PRMT6: variants seen among roughly 807,000 people sequenced by gnomAD.
PRMT6 encodes protein arginine methyltransferase 6, also known as protein arginine N-methyltransferase 6.
In PRMT6, 23 loss-of-function variants were observed where a neutral mutation model predicts 30.5. The observed-to-expected ratio is 0.75, with a 90% CI of 0.54 to 1.07. The LOEUF (loss-of-function observed/expected upper bound fraction) is 1.07, where lower values mean the gene tolerates loss of function less well. PRMT6 is among the 50% of genes least tolerant of loss of function. The pLI is 0.00. For missense variants in PRMT6, 528 were observed against 514.3 expected, an observed-to-expected ratio of 1.03 and a Z score of -0.26; for synonymous variants, 265 against 228.0, an observed-to-expected ratio of 1.16 and a Z score of -1.46.
Position 107,058,820 on chromosome 1 carries a change from A to G in PRMT6, c.*977A>G, listed in dbSNP as rs1467702612. 1 of 167,104 alleles carries G rather than the reference A, an allele frequency of 6.0e-6. No individual in the cohort carries two copies. Among genetic ancestry groups the G allele is most frequent in the Admixed American group, 6.5e-5 (1 of 15,286 alleles). 10.4% of individuals were successfully genotyped at this position (167,104 alleles called of 1,614,324 possible). On this transcript the variant is annotated 3_prime_UTR_variant, in exon 1 of 1. Transcript: ENST00000370078. The stretch of plus-strand genomic sequence containing the variant: ...TTAAACTCTCTCATTTGGAGGGATC[A>G]TGTGAGTTGGCCTACTTACAAGTAG...
At position 107,057,037 on chromosome 1, in the gene PRMT6, G is replaced by C; in HGVS notation, c.322G>C (p.Val108Leu). ...IFCAQAGARRVYAVEASAIWQ... is the reference protein window; with the variant it reads ...IFCAQAGARRLYAVEASAIWQ... ...CTGTGCCCAGGCCGGGGCCCGGCGC[G>C]TGTACGCGGTAGAGGCCAGCGCCAT... The change falls in exon 1 of 1, where the codon GTG becomes CTG. Residue 108 changes from valine to leucine, a missense_variant. Val to Leu is a conservative substitution (Grantham distance 32, BLOSUM62 1). Transcript: ENST00000370078. The C allele has an allele frequency of 6.2e-7, 1 of 1,613,004 alleles. No homozygotes were observed. Among genetic ancestry groups the C allele is most frequent in the Non-Finnish European group, 8.5e-7 (1 of 1,179,768 alleles).
rs766077434 is a variant in PRMT6, at chr1:107,057,567, C to T, written c.852C>T (p.Pro284=). ...RFRCSCYGSA[P]MHGFAIWFQV... ...GCTGCAGCTGCTATGGCTCGGCGCC[C>T]ATGCATGGCTTTGCCATCTGGTTCC... Residue 284 remains proline, a synonymous_variant, in exon 1 of 1, where the codon CCC becomes CCT. Transcript: ENST00000370078. The T allele has an allele frequency of 1.9e-6, 3 of 1,613,744 alleles. No individual in the cohort carries two copies. The highest frequency in any genetic ancestry group is 2.5e-6 in the Non-Finnish European group (3 of 1,179,964).
chr1:107,057,132 A>T lies in PRMT6; in HGVS notation c.417A>T (p.Pro139=), dbSNP rs568392775. 2.5e-6 allele frequency: 4 copies of T among 1,607,414 alleles called. No homozygotes were observed. The East Asian group carries it at 8.9e-5, about 36-fold the overall frequency. Residue 139 remains proline (P), a synonymous_variant, in exon 1 of 1, where the codon CCA becomes CCT. Transcript: ENST00000370078. ...LEDRVHVLPG[P]VETVELPEQV... Reference sequence around the variant, plus strand: ...ACCGGGTGCACGTCCTGCCGGGACCAGTGGAGACTGTAGAGTTGCCGGAAC... The same window carrying T: ...ACCGGGTGCACGTCCTGCCGGGACCTGTGGAGACTGTAGAGTTGCCGGAAC...
chr1:107,056,707 G>A lies in PRMT6; in HGVS notation c.-9G>A, dbSNP rs772488905. ...CTACGCCCGCCGGGAGCCGGGCAGA[G>A]CGGCCAAGATGTCGCAGCCCAAGAA... On this transcript the variant is annotated 5_prime_UTR_variant, in exon 1 of 1. Transcript: ENST00000370078. The A allele has an allele frequency of 1.5e-5, 23 of 1,499,592 alleles. No homozygotes were observed. The South Asian group carries it at 2.5e-4, about 16-fold the overall frequency. 92.9% of individuals were successfully genotyped at this position (1,499,592 alleles called of 1,614,324 possible). A position where few individuals can be genotyped will look rare whatever the true frequency, so the allele number is the denominator to read the frequency against.
chr1:107,056,871 G>A lies in PRMT6; in HGVS notation c.156G>A (p.Ser52=), dbSNP rs1308798436. 4 of 1,613,672 alleles carry A rather than the reference G, an allele frequency of 2.5e-6. No individual in the cohort carries two copies. Among genetic ancestry groups the A allele is most frequent in the Non-Finnish European group, 3.4e-6 (4 of 1,179,830 alleles). Residue 52 remains serine (S), a synonymous_variant, in exon 1 of 1, where the codon TCG becomes TCA. Coordinates refer to ENST00000370078, the MANE Select transcript of PRMT6 (RefSeq NM_018137.3). ...ERDQLYYECY[S]DVSVHEEMIA... ...ACCAGCTGTACTACGAGTGCTACTC[G>A]GACGTTTCGGTCCACGAGGAGATGA...
Position 107,056,762 on chromosome 1 carries a change from A to G in PRMT6, c.47A>G (p.Glu16Gly), listed in dbSNP as rs777128046. The change falls in exon 1 of 1, where the codon GAA becomes GGA. Residue 16 changes from glutamate to glycine, a missense_variant. Physicochemically the swap from Glu to Gly is moderately conservative, Grantham distance 98. Transcript: ENST00000370078. ...AAGCTTGAGTCGGGGGGCGGCGGCG[A>G]AGGAGGGGAGGGAACTGAAGAGGAA... ...KRKLESGGGG[E>G]GGEGTEEEDG... The G allele has an allele frequency of 1.7e-5, 27 of 1,547,200 alleles. No individual in the cohort carries two copies. The highest frequency in any genetic ancestry group is 2.4e-5 in the Non-Finnish European group (27 of 1,145,652).
chr1:107,057,947 A>G lies in PRMT6; in HGVS notation c.*104A>G, dbSNP rs1206493193. On this transcript the variant is annotated 3_prime_UTR_variant, in exon 1 of 1. Transcript: ENST00000370078. ...GGAGATCCCACGTGCAAGTAGGGGG[A>G]ATATCTCCCCCTTTTCCCTCATAGC... 6.9e-6 allele frequency: 10 copies of G among 1,451,876 alleles called. No individual in the cohort carries two copies. Among genetic ancestry groups the G allele is most frequent in the Non-Finnish European group, 9.5e-6 (10 of 1,057,704 alleles). 89.9% of individuals were successfully genotyped at this position (1,451,876 alleles called of 1,614,324 possible). A position where few individuals can be genotyped will look rare whatever the true frequency, so the allele number is the denominator to read the frequency against.
rs1024114582 is a variant in PRMT6, at chr1:107,056,755, G to A, written c.40G>A (p.Gly14Ser). The A allele has an allele frequency of 3.9e-6, 6 of 1,543,132 alleles. 1 individual carries two copies. In the South Asian group the frequency reaches 4.8e-5, roughly 12 times the overall value. ...PKKRKLESGG[G>S]GEGGEGTEEE... ...GAAAAGAAAGCTTGAGTCGGGGGGC[G>A]GCGGCGAAGGAGGGGAGGGAACTGA... The change falls in exon 1 of 1, where the codon GGC becomes AGC. Residue 14 changes from glycine to serine, a missense_variant. Gly to Ser is a moderately conservative substitution (Grantham distance 56). Transcript: ENST00000370078.
rs763384703 is a variant in PRMT6, at chr1:107,057,480, G to T, written c.765G>T (p.Gln255His). The T allele has an allele frequency of 1.2e-6, 2 of 1,613,178 alleles. No homozygotes were observed. Among genetic ancestry groups the T allele is most frequent in the South Asian group, 2.2e-5 (2 of 90,982 alleles). The stretch of plus-strand genomic sequence containing the variant: ...TGGCCCGGCCGCAGCGCTTTGCTCA[G>T]CTAGAGCTCTCCCGCGCCGGCTTGG... Reference protein sequence around the residue: ...DVLARPQRFAQLELSRAGLEQ... With the variant: ...DVLARPQRFAHLELSRAGLEQ... The change falls in exon 1 of 1, where the codon CAG becomes CAT. Residue 255 changes from glutamine (Q) to histidine (H), a missense_variant. Transcript: ENST00000370078.
rs1244288501 is a variant in PRMT6 at position 107,057,466 on chromosome 1, C to G, written c.751C>G (p.Gln251Glu). 6.2e-7 allele frequency: 1 copy of G among 1,612,620 alleles called. No individual in the cohort carries two copies. The highest frequency in any genetic ancestry group is 1.7e-5 in the Admixed American group (1 of 59,986). ...CGGCGAGGACGTGCTGGCCCGGCCG[C>G]AGCGCTTTGCTCAGCTAGAGCTCTC... ...LSGEDVLARP[Q>E]RFAQLELSRA... Residue 251 changes from glutamine to glutamate, a missense_variant, in exon 1 of 1, where the codon CAG (glutamine) becomes GAG (glutamate). Coordinates refer to ENST00000370078, the MANE Select transcript of PRMT6 (RefSeq NM_018137.3).
rs761905317 is a variant in PRMT6, at chr1:107,056,700, G to A, written c.-16G>A. The A allele has an allele frequency of 6.7e-7, 1 of 1,492,206 alleles. No individual in the cohort carries two copies. Among genetic ancestry groups the A allele is most frequent in the Non-Finnish European group, 8.9e-7 (1 of 1,118,424 alleles). The allele number at this position is 1,492,206 out of a possible 1,614,324, so 92.4% of individuals were successfully genotyped here. On this transcript the variant is annotated 5_prime_UTR_variant, in exon 1 of 1. Coordinates refer to ENST00000370078, the MANE Select transcript of PRMT6 (RefSeq NM_018137.3). ...TGCCGCGCTACGCCCGCCGGGAGCC[G>A]GGCAGAGCGGCCAAGATGTCGCAGC...
Position 107,057,247 on chromosome 1 carries a change from C to G in PRMT6, c.532C>G (p.Leu178Val). 2 of 1,614,086 alleles carry G rather than the reference C, an allele frequency of 1.2e-6. No individual in the cohort carries two copies. Among genetic ancestry groups the G allele is most frequent in the South Asian group, 1.1e-5 (1 of 91,084 alleles). ...CGTCCTCCACGCGCGAACCAAGTGG[C>G]TGAAGGAGGGCGGTCTTCTCCTGCC... ...SSVLHARTKWLKEGGLLLPAS... is the reference protein window; with the variant it reads ...SSVLHARTKWVKEGGLLLPAS... The change falls in exon 1 of 1, where the codon CTG becomes GTG. Residue 178 changes from leucine to valine, a missense_variant. Leu to Val is a conservative substitution (Grantham distance 32). Transcript: ENST00000370078.
In PRMT6 at chr1:107,057,878, G is replaced by A; in HGVS notation, c.*35G>A. ...TTTCTCCCAGCTACCTCCCAAAGCAGCCTGACCTGCGTGGGAGAGGCGTAG... is the reference window on the plus strand; with the variant it reads ...TTTCTCCCAGCTACCTCCCAAAGCAACCTGACCTGCGTGGGAGAGGCGTAG... On this transcript the variant is annotated 3_prime_UTR_variant, in exon 1 of 1. Transcript: ENST00000370078. 1 of 1,553,114 alleles carries A rather than the reference G, an allele frequency of 6.4e-7. No homozygotes were observed. The highest frequency in any genetic ancestry group is 8.7e-7 in the Non-Finnish European group (1 of 1,147,616).
In PRMT6 at chr1:107,057,859, C is replaced by A; in HGVS notation, c.*16C>A. On this transcript the variant is annotated 3_prime_UTR_variant, in exon 1 of 1. Coordinates refer to ENST00000370078, the MANE Select transcript of PRMT6 (RefSeq NM_018137.3). ...GGAGGACTGAGCGTTGCCTTTTCTCCCAGCTACCTCCCAAAGCAGCCTGAC... is the reference window on the plus strand; with the variant it reads ...GGAGGACTGAGCGTTGCCTTTTCTCACAGCTACCTCCCAAAGCAGCCTGAC... 6.4e-7 allele frequency: 1 copy of A among 1,556,170 alleles called. No individual in the cohort carries two copies. Among genetic ancestry groups the A allele is most frequent in the Non-Finnish European group, 8.7e-7 (1 of 1,149,298 alleles).
rs1651732314 is a variant in PRMT6 at position 107,056,947 on chromosome 1, T to C, written c.232T>C (p.Trp78Arg). 2 of 1,611,586 alleles carry C rather than the reference T, an allele frequency of 1.2e-6. No individual in the cohort carries two copies. Among genetic ancestry groups the C allele is most frequent in the Admixed American group, 1.7e-5 (1 of 59,884 alleles). ...DAYRLGILRNWAALRGKTVLD... is the reference protein window; with the variant it reads ...DAYRLGILRNRAALRGKTVLD... The stretch of plus-strand genomic sequence containing the variant: ...CTACCGCCTGGGTATCCTTCGGAAC[T>C]GGGCAGCACTGCGAGGCAAGACGGT... The change falls in exon 1 of 1, where the codon TGG becomes CGG. Residue 78 changes from tryptophan to arginine, a missense_variant. Trp to Arg is a moderately radical substitution (Grantham distance 101, BLOSUM62 -3). Transcript: ENST00000370078.
At position 107,056,910 on chromosome 1, in the gene PRMT6, C is replaced by T. The variant is rs758544237; in HGVS notation, c.195C>T (p.Val65=). The T allele has an allele frequency of 6.2e-7, 1 of 1,612,302 alleles. No homozygotes were observed. Among genetic ancestry groups the T allele is most frequent in the Admixed American group, 1.7e-5 (1 of 59,902 alleles). The change falls in exon 1 of 1, where the codon GTC becomes GTT. Residue 65 remains valine, a synonymous_variant. Transcript: ENST00000370078. ...ACGAGGAGATGATCGCGGACCGCGTCCGCACCGATGCCTACCGCCTGGGTA... is the reference window on the plus strand; with the variant it reads ...ACGAGGAGATGATCGCGGACCGCGTTCGCACCGATGCCTACCGCCTGGGTA... ...SVHEEMIADR[V]RTDAYRLGIL... is the part of the protein sequence containing the mutation.
chr1:107,056,995 G>A lies in PRMT6; in HGVS notation c.280G>A (p.Gly94Ser), dbSNP rs1303556967. Reference sequence around the variant, plus strand: ...GGTACTGGACGTGGGCGCGGGCACCGGCATTCTGAGCATCTTCTGTGCCCA... The same window carrying A: ...GGTACTGGACGTGGGCGCGGGCACCAGCATTCTGAGCATCTTCTGTGCCCA... ...KTVLDVGAGT[G>S]ILSIFCAQAG... Residue 94 changes from glycine to serine, a missense_variant, in exon 1 of 1, where the codon GGC (glycine) becomes AGC (serine). Transcript: ENST00000370078. 4.3e-6 allele frequency: 7 copies of A among 1,613,542 alleles called. No individual in the cohort carries two copies. Among genetic ancestry groups the A allele is most frequent in the Non-Finnish European group, 4.2e-6 (5 of 1,179,870 alleles).
At position 107,057,246 on chromosome 1, in the gene PRMT6, GC is replaced by G. The variant is rs752564722; in HGVS notation, c.532del (p.Leu178Ter). 1 of 1,614,062 alleles carries G rather than the reference GC, an allele frequency of 6.2e-7. No individual in the cohort carries two copies. ...CCGTCCTCCACGCGCGAACCAAGTG[GC>G]TGAAGGAGGGCGGTCTTCTCCTGCC... is the stretch of plus-strand genomic sequence containing the variant. The part of the protein sequence containing the change: ...SSVLHARTKW[L>X]KEGGLLLPAS... On this transcript the variant is annotated frameshift_variant, in exon 1 of 1. Transcript: ENST00000370078. LOFTEE classifies it high-confidence loss of function.
In PRMT6 at chr1:107,057,617, C is replaced by A. The variant is rs1018330316; in HGVS notation, c.902C>A (p.Ser301Ter). Residue 301 changes from serine to a stop codon, truncating the protein, a stop_gained, in exon 1 of 1, where the codon TCG becomes TAG. Transcript: ENST00000370078. LOFTEE classifies it high-confidence loss of function. Reference protein sequence around the residue: ...WFQVTFPGGESEKPLVLSTSP... With the variant: ...WFQVTFPGGE ...CAGGTGACCTTCCCTGGAGGGGAGTCGGAGAAACCCCTGGTGCTGTCCACC... is the reference window on the plus strand; with the variant it reads ...CAGGTGACCTTCCCTGGAGGGGAGTAGGAGAAACCCCTGGTGCTGTCCACC... The A allele has an allele frequency of 5.6e-6, 9 of 1,614,050 alleles. No homozygotes were observed. The highest frequency in any genetic ancestry group is 1.3e-5 in the African/African-American group (1 of 74,948).
Sources: allele counts gnomAD v4.1 joint callset, GRCh38; gene constraint gnomAD v4.1.1; transcripts MANE v1.5; gene names NCBI Gene and HGNC (gene_info 2026-07-23, HGNC 2026-07-21).